TPST1: variants seen among roughly 807,000 people sequenced by gnomAD.
TPST1 encodes protein-tyrosine sulfotransferase 1.
TPST1 carries 20 observed loss-of-function variants against 34.8 expected under a neutral mutation model. That is an observed-to-expected ratio of 0.57 (90% confidence interval 0.40 to 0.84). The LOEUF (loss-of-function observed/expected upper bound fraction) is 0.84, where lower values mean the gene tolerates loss of function less well. TPST1 is among the 40% of genes least tolerant of loss of function. The probability of loss-of-function intolerance (pLI) is 0.00; values close to 1 mark genes in which losing one functional copy is unlikely to be tolerated. For synonymous variants in TPST1, 152 were observed against 159.4 expected, an observed-to-expected ratio of 0.95 and a Z score of 0.35; for missense variants, 353 against 455.5, an observed-to-expected ratio of 0.78 and a Z score of 2.05.
chr7:66,305,792 T>C (rs1791411003), intron 3 of TPST1, among the ~76,000 whole-genome samples: 1 of 152,250 alleles, frequency 6.6e-6, no homozygotes, highest in East Asian at 1.9e-4. Flanking sequence ...TTAGTGAATA[T>C]AGGGCTATTT....
chr7:66,326,568 T>C (rs1193123338), intron 3 of TPST1, among the ~76,000 whole-genome samples: 1 of 152,202 alleles, frequency 6.6e-6, no homozygotes, highest in Non-Finnish European at 1.5e-5. Flanking sequence ...TCAAATAATA[T>C]GATTTCCTAA....
chr7:66,315,709 T>A (rs10247526), intron 3 of TPST1, among the ~76,000 whole-genome samples: 1 of 152,156 alleles, frequency 6.6e-6, no homozygotes, highest in African/African-American at 2.4e-5. Flanking sequence ...CCACATGAAT[T>A]TGTCTACTTA....
At chr7:66,274,311 G>T (rs1790764033) in intron 2 of TPST1, among the ~76,000 whole-genome samples, 1 of 151,562 alleles carries the variant, frequency 6.6e-6, no homozygotes, top group Non-Finnish European at 1.5e-5. Context: ...CTTGAAGTGA[G>T]CGTTGAGATC....
At chr7:66,329,493 G>T (rs1411991132) in intron 3 of TPST1, among the ~76,000 whole-genome samples, 1 of 151,984 alleles carries the variant, frequency 6.6e-6, no homozygotes, top group African/African-American at 2.4e-5. Context: ...ATATCCCTAA[G>T]AATAAAAGCA....
rs1476975885 is a variant in TPST1 at position 66,286,541 on chromosome 7, G to A, written c.876G>A (p.Lys292=). The change falls in exon 3 of 6, where the codon AAG becomes AAA. Residue 292 remains lysine, a synonymous_variant. Coordinates refer to ENST00000304842, the MANE Select transcript of TPST1 (RefSeq NM_003596.4). ...KVERSTDQVI[K]PVNVGALSKW... ...AGAGATCTACAGACCAAGTAATCAA[G>A]CCAGTCAATGTAGGAGCTCTATCAA... 6.2e-7 allele frequency: 1 copy of A among 1,601,372 alleles called. No homozygotes were observed. Among genetic ancestry groups the A allele is most frequent in the East Asian group, 2.3e-5 (1 of 43,966 alleles).
At chr7:66,242,685 C>T (rs543661091) in intron 2 of TPST1, among the ~76,000 whole-genome samples, 18 of 152,072 alleles carry the variant, frequency 1.2e-4, no homozygotes, top group African/African-American at 3.6e-4. Context: ...GGCCCGGCAC[C>T]GATGCCACCT....
At chr7:66,328,904 A>ATTTTTTT (rs1350334573) in intron 3 of TPST1, among the ~76,000 whole-genome samples, 9 of 25,998 alleles carry the variant, frequency 3.5e-4, no homozygotes, top group Middle Eastern at 0.019. Flanking sequence ...ATATATATAT[A>ATTTTTTT]TATTTTTTTT....
intron 3 of TPST1, among the ~76,000 whole-genome samples, chr7:66,325,171 T>C (rs2116228996): frequency 6.6e-6 from 1 of 152,244 alleles, no homozygotes; most frequent in East Asian, 1.9e-4. Flanking sequence ...GGAGAAGTGC[T>C]AAGTGAAGGA....
At chr7:66,305,367 G>C (rs1232812482) in intron 3 of TPST1, among the ~76,000 whole-genome samples, 2 of 152,052 alleles carry the variant, frequency 1.3e-5, no homozygotes, top group Admixed American at 1.3e-4. Context: ...TTTGCCTGGT[G>C]GGGTGGCCTA....
rs184851237 is a variant in TPST1 at position 66,234,082 on chromosome 7, T to C, written c.-101-6243T>C. Among the ~76,000 whole-genome samples, 70 of 152,316 alleles carry C rather than the reference T, an allele frequency of 4.6e-4. 1 individual carries two copies. In the East Asian group the frequency reaches 0.013, roughly 29 times the overall value. ...CATTTTGGCCAGGCTGGTCTCAAAC[T>C]CTTGACCTCAGGTGATCCACCCGCC... is the stretch of plus-strand genomic sequence containing the variant. On this transcript the variant is annotated intron_variant, in intron 1 of 5. Transcript: ENST00000304842.
intron 5 of TPST1, chr7:66,359,183 A>T (rs923180300): frequency 1.6e-5 from 2 of 125,980 alleles, no homozygotes; most frequent in African/African-American, 6.3e-5. Context: ...GACCCCTGGG[A>T]CACTTAAAGA....
chr7:66,267,938 C>A (rs1790624154), intron 2 of TPST1, among the ~76,000 whole-genome samples: 1 of 150,774 alleles, frequency 6.6e-6, no homozygotes, highest in African/African-American at 2.4e-5. Flanking sequence ...CCTTCCTTTC[C>A]TTCCTTTCCT....
chr7:66,240,271 G>C, intron 1 of TPST1, 54 bp from the exon 2 acceptor site: 2 of 920,250 alleles, frequency 2.2e-6, no homozygotes, highest in South Asian at 3.6e-5. Context: ...ACTGGTGACT[G>C]ATTTGTAAGC....
In TPST1 at chr7:66,303,209, A is replaced by G. The variant is rs190401986; in HGVS notation, c.1044+16500A>G. Among the ~76,000 whole-genome samples the G allele has an allele frequency of 1.3e-4, 20 of 152,292 alleles. No homozygotes were observed. In the East Asian group the frequency reaches 1.4e-3, roughly 10 times the overall value. On this transcript the variant is annotated intron_variant, in intron 3 of 5. Transcript: ENST00000304842. ...CATGCCTTCATCTGAAAATGTTAAT[A>G]TAGTTCAAAGTGTTGCTATAGTCTT...
chr7:66,246,179 A>ATTTT lies in TPST1; in HGVS notation c.845+4935_845+4938dup, dbSNP rs35051150. 9.1e-4 allele frequency among the ~76,000 whole-genome samples: 84 copies of ATTTT among 92,394 alleles called. 2 individuals carry two copies. The highest frequency in any genetic ancestry group is 7.8e-4 in the East Asian group (2 of 2,560). 60.6% of individuals were successfully genotyped at this position (92,394 alleles called of 152,430 possible). A position where few individuals can be genotyped will look rare whatever the true frequency, so the allele number is the denominator to read the frequency against. ...AGGTGCATGCCATCATGCCTGGCTA[A>ATTTT]TTTTTTTTTTTTTTTTTTTTTTTTT... On this transcript the variant is annotated intron_variant, in intron 2 of 5. Transcript: ENST00000304842.
intron 2 of TPST1, among the ~76,000 whole-genome samples, chr7:66,267,692 CT>C (rs1471848309): frequency 6.6e-6 from 1 of 152,100 alleles, no homozygotes. Context: ...CTGATTTTAT[CT>C]GAAAAATTAG....
chr7:66,253,730 G>A (rs6964245), intron 2 of TPST1, among the ~76,000 whole-genome samples: 135,748 of 151,480 alleles, frequency 0.9, 61,010 homozygotes, highest in African/African-American at 0.94. Flanking sequence ...TTTAATTACT[G>A]CAGTTTTAGA....
intron 1 of TPST1, among the ~76,000 whole-genome samples, chr7:66,208,621 A>G (rs1217618109): frequency 4.6e-5 from 7 of 152,010 alleles, no homozygotes; most frequent in Admixed American, 2.0e-4. Context: ...GGCGCCTGCC[A>G]CCACACCCAG....
At chr7:66,284,439 C>A (rs74391395) in intron 2 of TPST1, among the ~76,000 whole-genome samples, 1,893 of 145,640 alleles carry the variant, frequency 0.013, 38 homozygotes, top group African/African-American at 0.043. Context: ...TTCATACTGT[C>A]TATATTATTG....
Sources: gnomAD v4.1 joint callset for allele counts (sites outside exome capture counted in the v4.1 genomes callset) on GRCh38, gnomAD v4.1.1 for gene constraint, MANE v1.5 for transcripts, NCBI Gene and HGNC (gene_info 2026-07-23, HGNC 2026-07-21) for gene names.